The following NKX2-2 variants were observed in gnomAD, a reference collection of about 807,000 sequenced individuals.
NKX2-2 encodes homeobox protein Nkx-2.2.
In NKX2-2, 8 loss-of-function variants were observed where a neutral mutation model predicts 24.6. The observed-to-expected ratio is 0.32, with a 90% CI of 0.19 to 0.59. The LOEUF is 0.59. NKX2-2 is among the 20% of genes least tolerant of loss of function. The probability of loss-of-function intolerance (pLI) is 0.86; values close to 1 mark genes in which losing one functional copy is unlikely to be tolerated. For missense variants in NKX2-2, 381 were observed against 373.9 expected, an observed-to-expected ratio of 1.02 and a Z score of -0.16; for synonymous variants, 217 against 173.3, an observed-to-expected ratio of 1.25 and a Z score of -1.98.
At position 21,512,372 on chromosome 20, in the gene NKX2-2, C is replaced by A; in HGVS notation, c.373G>T (p.Ala125Ser). The A allele has an allele frequency of 2.5e-6, 4 of 1,605,592 alleles. No homozygotes were observed. The highest frequency in any genetic ancestry group is 3.4e-6 in the Non-Finnish European group (4 of 1,177,068). Residue 125 changes from alanine to serine, a missense_variant, in exon 2 of 2, where the codon GCC becomes TCC. Coordinates refer to ENST00000377142, the MANE Select transcript of NKX2-2 (RefSeq NM_002509.4). ...DKETPGGGGD[A>S]GKKRKRRVLF... ...ACTCGCCGCTTTCGCTTCTTGCCGG[C>A]GTCCCCCCCGCCGCCCGGGGTCTCC... is the stretch of plus-strand genomic sequence containing the variant.
the NKX2-2 span, among the ~76,000 whole-genome samples, chr20:21,522,649 C>T: frequency 2.0e-5 from 3 of 151,636 alleles, no homozygotes; most frequent in South Asian, 6.2e-4. Context: ...CGGGCGGCTG[C>T]GGAGTCGCGG....
At chr20:21,518,644 A>G (rs553488976), upstream of NKX2-2, among the ~76,000 whole-genome samples, 1 of 152,358 alleles carries the variant, frequency 6.6e-6, no homozygotes, top group South Asian at 2.1e-4. Context: ...TAGCTCAAAC[A>G]CGAGCGCCTT....
At chr20:21,515,086 C>T (rs558748300), upstream of NKX2-2, among the ~76,000 whole-genome samples, 1 of 152,206 alleles carries the variant, frequency 6.6e-6, no homozygotes, top group African/African-American at 2.4e-5. Context: ...GCTCCAACTT[C>T]GTCTGGGGTC....
chr20:21,511,615 T>G lies in NKX2-2; in HGVS notation c.*308A>C. On this transcript the variant is annotated 3_prime_UTR_variant, in exon 2 of 2. Coordinates refer to ENST00000377142, the MANE Select transcript of NKX2-2 (RefSeq NM_002509.4). Reference sequence around the variant, plus strand: ...AGTGACGACATTAACGCTGGGACGGTTTGGTCCCCCCGGGGAGAGGCAAAG... The same window carrying G: ...AGTGACGACATTAACGCTGGGACGGGTTGGTCCCCCCGGGGAGAGGCAAAG... 1.9e-5 allele frequency: 5 copies of G among 258,990 alleles called. No homozygotes were observed. The highest frequency in any genetic ancestry group is 2.2e-5 in the African/African-American group (1 of 45,192). The allele number at this position is 258,990 out of a possible 1,614,324, so 16.0% of individuals were successfully genotyped here. A position where few individuals can be genotyped will look rare whatever the true frequency, so the allele number is the denominator to read the frequency against.
In NKX2-2 at chr20:21,512,064, G is replaced by T; in HGVS notation, c.681C>A (p.Thr227=). Residue 227 remains threonine, a synonymous_variant, in exon 2 of 2, where the codon ACC becomes ACA. Coordinates refer to ENST00000377142, the MANE Select transcript of NKX2-2 (RefSeq NM_002509.4). The part of the protein sequence containing the change: ...ALKAQDLAAA[T]FQAGIPFSAY... Reference sequence around the variant, plus strand: ...CAGAAAAGGGAATGCCCGCCTGGAAGGTGGCGGCTGCCAGGTCCTGGGCTT... The same window carrying T: ...CAGAAAAGGGAATGCCCGCCTGGAATGTGGCGGCTGCCAGGTCCTGGGCTT... 6.2e-7 allele frequency: 1 copy of T among 1,613,866 alleles called. No homozygotes were observed.
the NKX2-2 span, among the ~76,000 whole-genome samples, chr20:21,522,452 G>A: frequency 6.6e-6 from 1 of 152,206 alleles, no homozygotes; most frequent in Admixed American, 6.5e-5. Flanking sequence ...GGGCGACGCC[G>A]GGCTTCCTCC....
At chr20:21,515,908 A>G (rs6047461), upstream of NKX2-2, among the ~76,000 whole-genome samples, 5 of 152,284 alleles carry the variant, frequency 3.3e-5, no homozygotes, top group African/African-American at 1.2e-4. Context: ...CCTCGCCCCC[A>G]GTATGTGACG....
At chr20:21,518,418 G>A (rs550395447), upstream of NKX2-2, among the ~76,000 whole-genome samples, 1 of 152,310 alleles carries the variant, frequency 6.6e-6, no homozygotes, top group East Asian at 1.9e-4. Context: ...AAGAGAACCT[G>A]TGCCCCTGGA....
chr20:21,519,208 CT>C, the NKX2-2 span, among the ~76,000 whole-genome samples: 1 of 152,034 alleles, frequency 6.6e-6, no homozygotes, highest in African/African-American at 2.4e-5. Flanking sequence ...ATTTCTTCGT[CT>C]TTTTTTTGGA....
Position 21,513,592 on chromosome 20 carries a change from G to C in NKX2-2, c.78C>G (p.Gly26=). ...CTTCCTCCGGACCTTCGGCCACAGA[G>C]CCCTCCTCATCGTTGGTGTCCGGCA... ...LDLPDTNDEE[G]SVAEGPEEEN... is the part of the protein sequence containing the mutation. Residue 26 remains glycine (G), a synonymous_variant, in exon 1 of 2, where the codon GGC becomes GGG. Coordinates refer to ENST00000377142, the MANE Select transcript of NKX2-2 (RefSeq NM_002509.4). The surrounding 1 kb of genome is among the most constrained non-coding windows in gnomAD (Gnocchi z 4.6). 1 of 1,613,472 alleles carries C rather than the reference G, an allele frequency of 6.2e-7. No individual in the cohort carries two copies. Among genetic ancestry groups the C allele is most frequent in the Non-Finnish European group, 8.5e-7 (1 of 1,179,716 alleles).
Position 21,511,710 on chromosome 20 carries a change from A to C in NKX2-2, c.*213T>G. On this transcript the variant is annotated 3_prime_UTR_variant, in exon 2 of 2. Coordinates refer to ENST00000377142, the MANE Select transcript of NKX2-2 (RefSeq NM_002509.4). ...GCCCTCTCCCAAGGTTCAGAAGGAG[A>C]GGCATGGGCAGAGCTGGGTGGGTGG... The C allele has an allele frequency of 2.3e-6, 1 of 432,774 alleles. No individual in the cohort carries two copies. The highest frequency in any genetic ancestry group is 4.0e-6 in the Non-Finnish European group (1 of 247,106). The allele number at this position is 432,774 out of a possible 1,614,324, so 26.8% of individuals were successfully genotyped here.
chr20:21,521,583 C>T, the NKX2-2 span, among the ~76,000 whole-genome samples: 1 of 152,238 alleles, frequency 6.6e-6, no homozygotes, highest in Non-Finnish European at 1.5e-5. Context: ...CCAGTTCCGT[C>T]TGAGGAGAAG....
Position 21,513,876 on chromosome 20 carries a change from A to C in NKX2-2, c.-207T>G. 1 of 424,720 alleles carries C rather than the reference A, an allele frequency of 2.4e-6. No individual in the cohort carries two copies. Among genetic ancestry groups the C allele is most frequent in the East Asian group, 3.9e-5 (1 of 25,360 alleles). The allele number at this position is 424,720 out of a possible 1,614,324, so 26.3% of individuals were successfully genotyped here. On this transcript the variant is annotated 5_prime_UTR_variant, in exon 1 of 2. Coordinates refer to ENST00000377142, the MANE Select transcript of NKX2-2 (RefSeq NM_002509.4). This position sits in a 1 kb window ranked among gnomAD's most constrained non-coding sequence, Gnocchi z 4.6. ...ATGGGGAGGAAAAAAATGAAGCCCA[A>C]CCCAGTGCCTCTCTCTGTCTTCTTT...
At chr20:21,514,695 T>G (rs1980573606), upstream of NKX2-2, among the ~76,000 whole-genome samples, 1 of 152,210 alleles carries the variant, frequency 6.6e-6, no homozygotes, top group Non-Finnish European at 1.5e-5. Flanking sequence ...ATCTCTCCTT[T>G]CCATCGTTGG....
At position 21,511,327 on chromosome 20, in the gene NKX2-2, G is replaced by C. The variant is rs968421537; in HGVS notation, c.*596C>G. Reference sequence around the variant, plus strand: ...GTTGGACCCAGACGGGAAACAGGCCGGTCCTGAAGGTCATTTTGGCAACAA... The same window carrying C: ...GTTGGACCCAGACGGGAAACAGGCCCGTCCTGAAGGTCATTTTGGCAACAA... On this transcript the variant is annotated 3_prime_UTR_variant, in exon 2 of 2. Transcript: ENST00000377142. The C allele has an allele frequency of 2.6e-5, 4 of 152,512 alleles. No homozygotes were observed. The highest frequency in any genetic ancestry group is 9.7e-5 in the African/African-American group (4 of 41,388). 9.4% of individuals were successfully genotyped at this position (152,512 alleles called of 1,614,324 possible). A position where few individuals can be genotyped will look rare whatever the true frequency, so the allele number is the denominator to read the frequency against.
upstream of NKX2-2, among the ~76,000 whole-genome samples, chr20:21,516,984 C>T (rs552190191): frequency 6.6e-6 from 1 of 152,328 alleles, no homozygotes; most frequent in African/African-American, 2.4e-5. Context: ...TGATCAAGTC[C>T]CCTCCCCTCA....
At position 21,513,748 on chromosome 20, in the gene NKX2-2, C is replaced by A. The variant is rs1360760891; in HGVS notation, c.-79G>T. 4.6e-5 allele frequency: 15 copies of A among 327,702 alleles called. No homozygotes were observed. Among genetic ancestry groups the A allele is most frequent in the Non-Finnish European group, 5.1e-5 (14 of 273,560 alleles). The allele number at this position is 327,702 out of a possible 1,614,324, so 20.3% of individuals were successfully genotyped here. Reference sequence around the variant, plus strand: ...CGTGGCGCTCCCCTGCCCCGGCGGGCGGGGGAGGGGGGAGTTGGGGGGAGG... The same window carrying A: ...CGTGGCGCTCCCCTGCCCCGGCGGGAGGGGGAGGGGGGAGTTGGGGGGAGG... On this transcript the variant is annotated 5_prime_UTR_variant, in exon 1 of 2. Coordinates refer to ENST00000377142, the MANE Select transcript of NKX2-2 (RefSeq NM_002509.4). This position sits in a 1 kb window ranked among gnomAD's most constrained non-coding sequence, Gnocchi z 4.6.
At chr20:21,514,124 C>A (rs1201744596), upstream of NKX2-2, 1 of 46,518 alleles carries the variant, frequency 2.1e-5, no homozygotes, top group Non-Finnish European at 4.0e-5. Context: ...CCTGGGGAGG[C>A]GGGGAGAGGG....
chr20:21,517,387 C>T (rs1290803778), upstream of NKX2-2, among the ~76,000 whole-genome samples: 1 of 152,172 alleles, frequency 6.6e-6, no homozygotes, highest in Admixed American at 6.5e-5. Flanking sequence ...GCCTCCTCCG[C>T]GATCGGTGCT....
Sources: allele counts gnomAD v4.1 joint callset (sites outside exome capture counted in the v4.1 genomes callset), GRCh38; gene constraint gnomAD v4.1.1; non-coding constraint Gnocchi (gnomAD v3.1); transcripts MANE v1.5; gene names NCBI Gene and HGNC (gene_info 2026-07-23, HGNC 2026-07-21).